SPATA13: variants seen among roughly 807,000 people sequenced by gnomAD.
SPATA13 encodes spermatogenesis associated 13.
Under a neutral mutation model 104.0 loss-of-function variants are expected in SPATA13, and 50 were observed. That is an observed-to-expected ratio of 0.48 (90% CI 0.38 to 0.61). SPATA13 has a LOEUF of 0.61. Ranked by LOEUF, SPATA13 falls within the 20% of genes least tolerant of loss-of-function variation. The probability of loss-of-function intolerance (pLI) is 0.00; values close to 1 mark genes in which losing one functional copy is unlikely to be tolerated. For missense variants in SPATA13, 1,524 were observed against 1,690.6 expected, an observed-to-expected ratio of 0.90 and a Z score of 1.73; for synonymous variants, 606 against 667.5, an observed-to-expected ratio of 0.91 and a Z score of 1.42.
At chr13:24,010,211 G>C (rs142125764) in intron 2 of SPATA13, among the ~76,000 whole-genome samples, 2 of 152,276 alleles carry the variant, frequency 1.3e-5, no homozygotes, top group African/African-American at 4.8e-5. Context: ...TGTGAGAGGG[G>C]ATAGTAGTCG....
chr13:24,105,408 G>A (rs1366417161), intron 3 of SPATA13, among the ~76,000 whole-genome samples: 1 of 151,760 alleles, frequency 6.6e-6, no homozygotes, highest in Non-Finnish European at 1.5e-5. Flanking sequence ...CAAAGTGCTG[G>A]GATTACAGGT....
chr13:24,063,247 G>C (rs950421496), intron 3 of SPATA13, among the ~76,000 whole-genome samples: 3 of 152,176 alleles, frequency 2.0e-5, no homozygotes, highest in East Asian at 1.9e-4. Context: ...TGGGCACAAA[G>C]AGAGCACTCA....
chr13:24,226,967 G>A (rs757576931), intron 2 of SPATA13, among the ~76,000 whole-genome samples: 2 of 152,218 alleles, frequency 1.3e-5, no homozygotes, highest in Admixed American at 6.5e-5. Context: ...TCACCAGTTT[G>A]AGAGGTCTTG....
At chr13:24,186,796 G>A (rs1869179745) in intron 1 of SPATA13, among the ~76,000 whole-genome samples, 1 of 152,176 alleles carries the variant, frequency 6.6e-6, no homozygotes, top group South Asian at 2.1e-4. Context: ...TCAAGTTGAA[G>A]AGAAAAGGGA....
intron 4 of SPATA13, among the ~76,000 whole-genome samples, 175 bp from the exon 5 acceptor site, chr13:24,283,960 C>T (rs577668073): frequency 6.6e-6 from 1 of 152,362 alleles, no homozygotes; most frequent in East Asian, 1.9e-4. Context: ...TAATGTCACA[C>T]TTAACTGCAG....
rs74808553 is a variant in SPATA13, at chr13:24,040,730, G to T, written c.-112+23029G>T. Reference sequence around the variant, plus strand: ...ATTGTACCAATTGAAAGGGGGAAAAGGGTCGCTTCAAGGCACCCCAACTTT... The same window carrying T: ...ATTGTACCAATTGAAAGGGGGAAAATGGTCGCTTCAAGGCACCCCAACTTT... On this transcript the variant is annotated intron_variant, in intron 3 of 14. Transcript: ENST00000424834. Among the ~76,000 whole-genome samples, 273 of 152,304 alleles carry T rather than the reference G, an allele frequency of 1.8e-3. 1 individual carries two copies. Among genetic ancestry groups the T allele is most frequent in the African/African-American group, 6.1e-3 (254 of 41,556 alleles).
At chr13:24,014,623 C>T (rs1345941534) in intron 2 of SPATA13, among the ~76,000 whole-genome samples, 2 of 152,148 alleles carry the variant, frequency 1.3e-5, no homozygotes, top group Admixed American at 6.5e-5. Flanking sequence ...AGGCCTTCAT[C>T]CTGTGGTCTG....
chr13:24,027,098 T>G (rs1877254591), intron 3 of SPATA13, among the ~76,000 whole-genome samples: 1 of 151,642 alleles, frequency 6.6e-6, no homozygotes, highest in African/African-American at 2.4e-5. Context: ...ATCCCTGTCA[T>G]ATTACCTTTT....
rs149172168 is a variant in SPATA13, at chr13:24,231,632, C to T, written c.1653+7050C>T. Among the ~76,000 whole-genome samples the T allele has an allele frequency of 5.3e-4, 81 of 152,280 alleles. 1 individual carries two copies. The highest frequency in any genetic ancestry group is 1.8e-3 in the African/African-American group (74 of 41,554). ...GGGTGGATACCTAGGGGTGGAATTG[C>T]TAGGTCTTGTGACATTTCTATGTTT... On this transcript the variant is annotated intron_variant, in intron 2 of 12. Coordinates refer to ENST00000382108, the MANE Select transcript of SPATA13 (RefSeq NM_001166271.3).
chr13:24,280,898 G>A (rs1278106508), intron 4 of SPATA13, among the ~76,000 whole-genome samples: 2 of 152,138 alleles, frequency 1.3e-5, no homozygotes, highest in Non-Finnish European at 2.9e-5. Context: ...GCCTAGCATA[G>A]GAAGCAGAAG....
At chr13:24,170,956 A>G (rs1882943876) in intron 1 of SPATA13, among the ~76,000 whole-genome samples, 1 of 152,040 alleles carries the variant, frequency 6.6e-6, no homozygotes, top group South Asian at 2.1e-4. Context: ...TTACACTTGC[A>G]TGGTTATTCT....
At chr13:24,187,359 T>C (rs1869214826) in intron 1 of SPATA13, among the ~76,000 whole-genome samples, 1 of 152,182 alleles carries the variant, frequency 6.6e-6, no homozygotes, top group Non-Finnish European at 1.5e-5. Context: ...TCTTCAGTTC[T>C]CAGTGGCTTT....
chr13:24,205,595 A>G lies in SPATA13; in HGVS notation c.-111-17224A>G, dbSNP rs932256137. ...TTAGAAAAAAACTATTTTAAAATTC[A>G]TGTGGACCAAAAAAGAGCCTGAATA... On this transcript the variant is annotated intron_variant, in intron 1 of 12. Transcript: ENST00000382108. This position sits in a 1 kb window ranked among gnomAD's most constrained non-coding sequence, Gnocchi z 4.1. 3.3e-5 allele frequency among the ~76,000 whole-genome samples: 5 copies of G among 152,236 alleles called. No homozygotes were observed. Among genetic ancestry groups the G allele is most frequent in the African/African-American group, 9.6e-5 (4 of 41,474 alleles).
intron 4 of SPATA13, among the ~76,000 whole-genome samples, chr13:24,271,448 G>A (rs1874604155): frequency 6.6e-6 from 1 of 152,132 alleles, no homozygotes. Flanking sequence ...TTTCTAAAGT[G>A]ACATTACCCA....
At chr13:24,013,470 A>G (rs1374873711) in intron 2 of SPATA13, among the ~76,000 whole-genome samples, 1 of 152,244 alleles carries the variant, frequency 6.6e-6, no homozygotes, top group South Asian at 2.1e-4. Context: ...CTGCTTGGGG[A>G]CAGTGCCCAG....
rs143275717 is a variant in SPATA13, at chr13:24,084,387, C to A, written c.-112+66686C>A. On this transcript the variant is annotated intron_variant, in intron 3 of 14. Coordinates refer to the SPATA13 transcript ENST00000424834. Reference sequence around the variant, plus strand: ...ACTTATGATGCTCCCTTAAGATGGGCAGGATGCCCGGGGAAGAAATCTGGG... The same window carrying A: ...ACTTATGATGCTCCCTTAAGATGGGAAGGATGCCCGGGGAAGAAATCTGGG... Among the ~76,000 whole-genome samples the A allele has an allele frequency of 1.1e-3, 166 of 152,302 alleles. 2 individuals are homozygous for A. Among genetic ancestry groups the A allele is most frequent in the South Asian group, 2.1e-3 (10 of 4,824 alleles).
intron 4 of SPATA13, among the ~76,000 whole-genome samples, chr13:24,261,926 A>G (rs144904596): frequency 6.6e-6 from 1 of 152,250 alleles, no homozygotes; most frequent in Admixed American, 6.5e-5. Flanking sequence ...AAAATACCCC[A>G]TAAAGGCTCA....
intron 3 of SPATA13, among the ~76,000 whole-genome samples, chr13:24,081,188 T>A (rs572260992): frequency 6.9e-4 from 105 of 152,328 alleles, no homozygotes; most frequent in African/African-American, 2.3e-3. Context: ...ATAATTTGAC[T>A]CCTTTCAGGT....
intron 3 of SPATA13, among the ~76,000 whole-genome samples, chr13:24,082,634 C>A (rs1424709666): frequency 2.0e-5 from 3 of 151,376 alleles, no homozygotes; most frequent in Non-Finnish European, 2.9e-5. Context: ...TCCTGGCTAA[C>A]AAGGTGAAAC....
Sources: allele counts gnomAD v4.1 joint callset (sites outside exome capture counted in the v4.1 genomes callset), GRCh38; gene constraint gnomAD v4.1.1; non-coding constraint Gnocchi (gnomAD v3.1); transcripts MANE v1.5; gene names NCBI Gene and HGNC (gene_info 2026-07-23, HGNC 2026-07-21).